COL5A1: variants seen among roughly 807,000 people sequenced by gnomAD.
COL5A1 encodes collagen type V alpha 1 chain, also known as collagen alpha-1(V) chain.
Under a neutral mutation model 263.7 loss-of-function variants are expected in COL5A1, and 16 were observed. That is an observed-to-expected ratio of 0.06 (90% confidence interval 0.04 to 0.09). The LOEUF (loss-of-function observed/expected upper bound fraction) is 0.09. Ranked by LOEUF, COL5A1 falls within the 10% of genes least tolerant of loss-of-function variation. The pLI is 1.00. For missense variants in COL5A1, 2,036 were observed against 2,540.5 expected (o/e 0.80, Z 4.27); for synonymous variants, 1,012 against 1,004.5 (o/e 1.01, Z -0.14).
chr9:134,792,961 GCTGTCTGCCTGCTGT>G (rs1286023336), intron 32 of COL5A1, among the ~76,000 whole-genome samples: 5 of 148,308 alleles, frequency 3.4e-5, no homozygotes, highest in Non-Finnish European at 7.5e-5. Context: ...AGGGCTGCCT[GCTGTCTGCCTGCTGT>G]CTGTCTGCCT....
chr9:134,651,747 C>T (rs1476182217), intron 1 of COL5A1, among the ~76,000 whole-genome samples: 26 of 152,266 alleles, frequency 1.7e-4, no homozygotes, highest in South Asian at 2.1e-4. Flanking sequence ...ATGACAGGCG[C>T]GGGACAGAGG....
rs548696863 is a variant in COL5A1, at chr9:134,812,721, C to T, written c.3852+9C>T. The stretch of plus-strand genomic sequence containing the variant: ...GTGCAGTGGGAGAGAAGGTGAGGCT[C>T]GTGCCTGCTCTGGTGGCAGATTTGC... On this transcript the variant is annotated intron_variant, in intron 48 of 65. Transcript: ENST00000371817. 1.2e-5 allele frequency: 19 copies of T among 1,540,112 alleles called. 1 individual carries two copies. In the African/African-American group the frequency reaches 1.8e-4, roughly 14 times the overall value.
intron 44 of COL5A1, 30 bp from the exon 45 acceptor site, chr9:134,811,309 C>G: frequency 6.2e-7 from 1 of 1,610,644 alleles, no homozygotes; most frequent in Non-Finnish European, 8.5e-7. Context: ...ATCCAAGAAG[C>G]TACCTATGTC....
chr9:134,778,915 A>G (rs1003640676), intron 27 of COL5A1, among the ~76,000 whole-genome samples: 1 of 152,224 alleles, frequency 6.6e-6, no homozygotes, highest in African/African-American at 2.4e-5. Context: ...CTGCAGTTAC[A>G]TCCGCAGCTC....
At chr9:134,777,083 T>C (rs1837079397) in intron 27 of COL5A1, among the ~76,000 whole-genome samples, 1 of 152,188 alleles carries the variant, frequency 6.6e-6, no homozygotes, top group Non-Finnish European at 1.5e-5. Context: ...TCGTGTTCCT[T>C]TGAGTTCACT....
At chr9:134,654,547 G>A (rs1453196653) in intron 1 of COL5A1, among the ~76,000 whole-genome samples, 47 of 127,708 alleles carry the variant, frequency 3.7e-4, no homozygotes, top group East Asian at 1.6e-3. Context: ...GTAGGGCTGG[G>A]TGTGTGTAGG....
In COL5A1 at chr9:134,700,789, GCCGCCGC is replaced by G. The variant is rs912156297; in HGVS notation, c.492-379_492-373del. Among the ~76,000 whole-genome samples, 1 of 152,158 alleles carries G rather than the reference GCCGCCGC, an allele frequency of 6.6e-6. No homozygotes were observed. The highest frequency in any genetic ancestry group is 2.4e-5 in the African/African-American group (1 of 41,428). ...CGCATGCACACAGCAAAATACAACG[GCCGCCGC>G]CCTGCCATTCTCCCGATGGCTGTGA... On this transcript the variant is annotated intron_variant, in intron 3 of 65. Transcript: ENST00000371817. This position sits in a 1 kb window ranked among gnomAD's most constrained non-coding sequence, Gnocchi z 4.0.
chr9:134,760,295 ACACCCCC>A (rs1487082846), intron 18 of COL5A1, among the ~76,000 whole-genome samples: 3 of 58,466 alleles, frequency 5.1e-5, no homozygotes, highest in East Asian at 6.0e-4. Context: ...ACACACCCCC[ACACCCCC>A]CACACATACA....
rs544165130 is a variant in COL5A1 at position 134,781,994 on chromosome 9, G to A, written c.2431-673G>A. 3.9e-5 allele frequency among the ~76,000 whole-genome samples: 6 copies of A among 152,306 alleles called. No homozygotes were observed. The South Asian group carries it at 1.2e-3, about 32-fold the overall frequency. ...AGCCCAGCCAAGGGTCCCCTCTCTG[G>A]GAGCCACCCGTGCCCTCTGCTGAAG... is the stretch of plus-strand genomic sequence containing the variant. On this transcript the variant is annotated intron_variant, in intron 28 of 65. Transcript: ENST00000371817.
intron 26 of COL5A1, among the ~76,000 whole-genome samples, chr9:134,773,769 C>T (rs1004560519): frequency 3.9e-5 from 6 of 152,300 alleles, no homozygotes; most frequent in East Asian, 3.9e-4. Flanking sequence ...CAGTGCCAGG[C>T]CTGCTGGGCA....
At position 134,766,449 on chromosome 9, in the gene COL5A1, C is replaced by T. The variant is rs1455370303; in HGVS notation, c.2089-5C>T. 2 of 1,614,086 alleles carry T rather than the reference C, an allele frequency of 1.2e-6. No homozygotes were observed. The highest frequency in any genetic ancestry group is 4.5e-5 in the East Asian group (2 of 44,882). ...ACATGTTTTTCTTCTTAAAATCGTA[C>T]ACAGGGTGTCACGGGTATGGACGGC... On this transcript the variant is annotated splice_region_variant and splice_polypyrimidine_tract_variant and intron_variant, in intron 21 of 65. Coordinates refer to ENST00000371817, the MANE Select transcript of COL5A1 (RefSeq NM_000093.5).
chr9:134,824,408 T>G (rs889770271), intron 61 of COL5A1, among the ~76,000 whole-genome samples, 192 bp from the exon 62 acceptor site: 1 of 152,174 alleles, frequency 6.6e-6, no homozygotes, highest in African/African-American at 2.4e-5. Context: ...GCAGTGGGGA[T>G]GGGTGTGGAA....
At chr9:134,768,311 G>T (rs77818497) in intron 24 of COL5A1, 99 bp from the exon 25 acceptor site, 2 of 1,088,800 alleles carry the variant, frequency 1.8e-6, no homozygotes, top group Non-Finnish European at 2.9e-6. Flanking sequence ...AGCAAATGCT[G>T]TGTGGGCAGA....
chr9:134,761,868 GA>G (rs1342356565), intron 18 of COL5A1, 56 bp from the exon 19 acceptor site: 10 of 1,553,958 alleles, frequency 6.4e-6, no homozygotes, highest in Non-Finnish European at 5.3e-6. Context: ...TGGGACCTTG[GA>G]CAAGCCCTGC....
chr9:134,786,124 C>A, intron 31 of COL5A1, 76 bp downstream of exon 31: 1 of 1,345,438 alleles, frequency 7.4e-7, no homozygotes, highest in African/African-American at 1.4e-5. Flanking sequence ...CTGCATCCGG[C>A]CGTGTTAGGT....
At chr9:134,761,700 T>C (rs1588519290) in intron 18 of COL5A1, among the ~76,000 whole-genome samples, 1 of 152,184 alleles carries the variant, frequency 6.6e-6, no homozygotes, top group Admixed American at 6.5e-5. Flanking sequence ...TCCAGCACCC[T>C]CCTACCTTCA....
At chr9:134,772,692 TG>T in intron 25 of COL5A1, 97 bp from the exon 26 acceptor site, 1 of 1,268,430 alleles carries the variant, frequency 7.9e-7, no homozygotes, top group Non-Finnish European at 1.2e-6. Flanking sequence ...GGAAGGGAAA[TG>T]GGCTCCATGA....
rs960258971 is a variant in COL5A1, at chr9:134,755,032, C to G, written c.1827+706C>G. Among the ~76,000 whole-genome samples, 1 of 152,008 alleles carries G rather than the reference C, an allele frequency of 6.6e-6. No individual in the cohort carries two copies. The highest frequency in any genetic ancestry group is 1.5e-5 in the Non-Finnish European group (1 of 67,976). On this transcript the variant is annotated intron_variant, in intron 16 of 65. Coordinates refer to ENST00000371817, the MANE Select transcript of COL5A1 (RefSeq NM_000093.5). This position sits in a 1 kb window ranked among gnomAD's most constrained non-coding sequence, Gnocchi z 4.1. The stretch of plus-strand genomic sequence containing the variant: ...ACTGCTATAGTCTGAGTCAACAAGG[C>G]AAAAATGGGTCCTTCCCTAGTGGTT...
In COL5A1 at chr9:134,682,638, C is replaced by T. The variant is rs1380453603; in HGVS notation, c.110-8274C>T. On this transcript the variant is annotated intron_variant, in intron 1 of 65. Transcript: ENST00000371817. This position sits in a 1 kb window ranked among gnomAD's most constrained non-coding sequence, Gnocchi z 5.1. ...GGGCGAGTCAGAACTGAGGGGCACT[C>T]CTTGACTGGAAAGTAACAGTGGGCA... 6.6e-6 allele frequency among the ~76,000 whole-genome samples: 1 copy of T among 152,210 alleles called. No individual in the cohort carries two copies. Among genetic ancestry groups the T allele is most frequent in the Admixed American group, 6.5e-5 (1 of 15,280 alleles).
Sources: allele counts gnomAD v4.1 joint callset (sites outside exome capture counted in the v4.1 genomes callset), GRCh38; gene constraint gnomAD v4.1.1; non-coding constraint Gnocchi (gnomAD v3.1); transcripts MANE v1.5; gene names NCBI Gene and HGNC (gene_info 2026-07-23, HGNC 2026-07-21).